PBX3: variants seen among roughly 807,000 people sequenced by gnomAD.
The protein encoded by PBX3 is pre-B-cell leukemia transcription factor 3.
PBX3 carries 14 observed loss-of-function variants against 48.5 expected under a neutral mutation model. That is an observed-to-expected ratio of 0.29 (90% CI 0.19 to 0.45). PBX3 has a LOEUF of 0.45. Ranked by LOEUF, PBX3 falls within the 20% of genes least tolerant of loss-of-function variation. The pLI is 1.00. For synonymous variants in PBX3, 210 were observed against 200.3 expected (o/e 1.05, Z -0.41); for missense variants, 386 against 546.7 (o/e 0.71, Z 2.93).
intron 2 of PBX3, among the ~76,000 whole-genome samples, chr9:125,889,260 C>A (rs10987006): frequency 6.6e-6 from 1 of 152,066 alleles, no homozygotes; most frequent in Non-Finnish European, 1.5e-5. Flanking sequence ...GGGCCTTTCC[C>A]TCTCTGGCTG....
At chr9:125,870,965 C>T (rs1840107486) in intron 2 of PBX3, among the ~76,000 whole-genome samples, 2 of 152,100 alleles carry the variant, frequency 1.3e-5, no homozygotes, top group South Asian at 4.1e-4. Context: ...CATTACCTAG[C>T]AAAATTGAAG....
At position 125,747,444 on chromosome 9, in the gene PBX3, G is replaced by T; in HGVS notation, c.-10G>T. 1.4e-6 allele frequency: 2 copies of T among 1,413,796 alleles called. No individual in the cohort carries two copies. Among genetic ancestry groups the T allele is most frequent in the Non-Finnish European group, 1.9e-6 (2 of 1,073,202 alleles). The allele number at this position is 1,413,796 out of a possible 1,614,324, so 87.6% of individuals were successfully genotyped here. ...TCAGCCGCCGCCCGCTCCCGCCCGC[G>T]CGCGGCGGGATGGACGATCAATCCA... On this transcript the variant is annotated 5_prime_UTR_variant, in exon 1 of 9. Coordinates refer to ENST00000373489, the MANE Select transcript of PBX3 (RefSeq NM_006195.6).
intron 2 of PBX3, among the ~76,000 whole-genome samples, chr9:125,825,478 T>C (rs1838782158): frequency 6.6e-6 from 1 of 151,316 alleles, no homozygotes; most frequent in Non-Finnish European, 1.5e-5. Context: ...TGATTGATAT[T>C]GTTTTACTTT....
chr9:125,805,345 A>G (rs1427253185), intron 2 of PBX3, among the ~76,000 whole-genome samples: 3 of 152,186 alleles, frequency 2.0e-5, no homozygotes, highest in African/African-American at 7.2e-5. Context: ...AATAGGAGCC[A>G]TGTGATGCAG....
intron 2 of PBX3, among the ~76,000 whole-genome samples, chr9:125,799,316 C>T (rs1006578674): frequency 2.6e-5 from 4 of 152,124 alleles, no homozygotes; most frequent in Admixed American, 6.6e-5. Context: ...AGTTTGAGAC[C>T]AGCCTGGGCA....
intron 2 of PBX3, among the ~76,000 whole-genome samples, chr9:125,777,362 CT>C (rs58828825): frequency 4.0e-4 from 56 of 139,936 alleles, no homozygotes; most frequent in Admixed American, 6.4e-4. Flanking sequence ...TCTTCTTCTT[CT>C]TTTTTTTTTT....
In PBX3 at chr9:125,760,850, G is replaced by C. The variant is rs955246620; in HGVS notation, c.274+12227G>C. Among the ~76,000 whole-genome samples, 3 of 152,170 alleles carry C rather than the reference G, an allele frequency of 2.0e-5. No individual in the cohort carries two copies. In the South Asian group the frequency reaches 6.2e-4, roughly 31 times the overall value. ...TATTTTCTTGATTAAGCCACGTTGT[G>C]TGTAATGTTGAAATGTCATATTTTC... On this transcript the variant is annotated intron_variant, in intron 2 of 8. Coordinates refer to ENST00000373489, the MANE Select transcript of PBX3 (RefSeq NM_006195.6).
At chr9:125,748,743 C>A in intron 2 of PBX3, 120 bp downstream of exon 2, 1 of 670,180 alleles carries the variant, frequency 1.5e-6, no homozygotes, top group Non-Finnish European at 2.6e-6. Context: ...ATCATTCTCT[C>A]CTTCCCACGT....
At chr9:125,766,096 G>T (rs1836794949) in intron 2 of PBX3, among the ~76,000 whole-genome samples, 1 of 152,072 alleles carries the variant, frequency 6.6e-6, no homozygotes, top group Non-Finnish European at 1.5e-5. Context: ...TTCTTAGAGG[G>T]CAGGGACTAT....
chr9:125,939,695 G>C (rs1338690437), intron 5 of PBX3, among the ~76,000 whole-genome samples: 3 of 152,110 alleles, frequency 2.0e-5, no homozygotes, highest in African/African-American at 7.2e-5. Flanking sequence ...CTGGAGAAAT[G>C]GATAAATATG....
rs569789948 is a variant in PBX3 at position 125,959,074 on chromosome 9, C to T, written c.844-1610C>T. The stretch of plus-strand genomic sequence containing the variant: ...AGGCCATTGGATTTGGGACTGGTGT[C>T]ATGCCAGTATAACCACTCCCATCTA... On this transcript the variant is annotated intron_variant, in intron 5 of 8. Transcript: ENST00000373489. 2.0e-5 allele frequency among the ~76,000 whole-genome samples: 3 copies of T among 152,352 alleles called. No homozygotes were observed. The South Asian group carries it at 6.2e-4, about 32-fold the overall frequency.
At chr9:125,906,508 T>C (rs1057137110) in intron 2 of PBX3, among the ~76,000 whole-genome samples, 2 of 152,018 alleles carry the variant, frequency 1.3e-5, no homozygotes, top group Non-Finnish European at 2.9e-5. Flanking sequence ...AGAAGATGGC[T>C]ACAGGAAAGG....
rs1842527000 is a variant in PBX3, at chr9:125,966,124, AT to A, written c.*202del. 3 of 441,668 alleles carry A rather than the reference AT, an allele frequency of 6.8e-6. No homozygotes were observed. The highest frequency in any genetic ancestry group is 7.1e-5 in the East Asian group (2 of 28,004). The allele number at this position is 441,668 out of a possible 1,614,324, so 27.4% of individuals were successfully genotyped here. A position where few individuals can be genotyped will look rare whatever the true frequency, so the allele number is the denominator to read the frequency against. ...TTAAAAACACACAATGTTAAAAAAA[AT>A]AAAGCACTTTATCCAATTAGGCCAA... On this transcript the variant is annotated 3_prime_UTR_variant, in exon 9 of 9. Coordinates refer to ENST00000373489, the MANE Select transcript of PBX3 (RefSeq NM_006195.6).
intron 2 of PBX3, among the ~76,000 whole-genome samples, chr9:125,773,434 T>A (rs1205148772): frequency 1.3e-5 from 2 of 152,192 alleles, no homozygotes; most frequent in African/African-American, 4.8e-5. Flanking sequence ...TCCAGTAGTA[T>A]CCTGTGTTCC....
intron 2 of PBX3, among the ~76,000 whole-genome samples, chr9:125,901,756 A>G (rs1448176560): frequency 1.3e-5 from 2 of 151,750 alleles, no homozygotes; most frequent in East Asian, 3.9e-4. Flanking sequence ...AAACAACAAC[A>G]GCAACAACAA....
intron 2 of PBX3, among the ~76,000 whole-genome samples, chr9:125,764,247 T>TCTTAG (rs1564642758): frequency 6.6e-6 from 1 of 152,236 alleles, no homozygotes; most frequent in Non-Finnish European, 1.5e-5. Flanking sequence ...TCAGCAGCTT[T>TCTTAG]CTTAGCCATT....
intron 4 of PBX3, among the ~76,000 whole-genome samples, chr9:125,933,139 A>G (rs974451097): frequency 6.6e-6 from 1 of 152,242 alleles, no homozygotes; most frequent in African/African-American, 2.4e-5. Flanking sequence ...CTTTGGTTCC[A>G]TCTATTCTTG....
chr9:125,779,968 G>A (rs1206798493), intron 2 of PBX3, among the ~76,000 whole-genome samples: 2 of 126,702 alleles, frequency 1.6e-5, no homozygotes, highest in Non-Finnish European at 3.3e-5. Flanking sequence ...CGGACGGGGC[G>A]GCTGGCCGGG....
intron 2 of PBX3, among the ~76,000 whole-genome samples, chr9:125,818,258 T>C (rs1326365319): frequency 6.6e-6 from 1 of 151,316 alleles, no homozygotes; most frequent in Non-Finnish European, 1.5e-5. Flanking sequence ...AGAGAGTTCC[T>C]GCTCATAAGT....
Sources: gnomAD v4.1 joint callset for allele counts (sites outside exome capture counted in the v4.1 genomes callset) on GRCh38, gnomAD v4.1.1 for gene constraint, MANE v1.5 for transcripts, NCBI Gene and HGNC (gene_info 2026-07-23, HGNC 2026-07-21) for gene names.